Variants in XPO4 observed in about 807,000 individuals in gnomAD.
The protein encoded by XPO4 is exportin-4.
Under a neutral mutation model 143.0 loss-of-function variants are expected in XPO4, and 39 were observed. That is an observed-to-expected ratio of 0.27 (90% CI 0.21 to 0.36). The LOEUF (loss-of-function observed/expected upper bound fraction) is 0.36, where lower values mean the gene tolerates loss of function less well. Among genes scored for constraint, XPO4 ranks in the 10% least tolerant of loss-of-function variants. The pLI, the probability that XPO4 is intolerant of heterozygous loss-of-function variation, is 1.00. For synonymous variants in XPO4, 439 were observed against 474.0 expected, an observed-to-expected ratio of 0.93 and a Z score of 0.96; for missense variants, 907 against 1,348.0, an observed-to-expected ratio of 0.67 and a Z score of 5.12.
chr13:20,812,098 T>C (rs1006927044), intron 9 of XPO4, among the ~76,000 whole-genome samples: 2 of 152,076 alleles, frequency 1.3e-5, no homozygotes, highest in Non-Finnish European at 2.9e-5. Flanking sequence ...GAGCCGGGCA[T>C]GGTGGCTCAT....
intron 7 of XPO4, among the ~76,000 whole-genome samples, chr13:20,825,735 G>A (rs952586839): frequency 1.3e-5 from 2 of 152,144 alleles, no homozygotes; most frequent in African/African-American, 2.4e-5. Context: ...TGTCAGATGA[G>A]GCAGGCAACG....
chr13:20,817,237 T>C (rs972062238), intron 9 of XPO4, among the ~76,000 whole-genome samples: 16 of 152,232 alleles, frequency 1.1e-4, no homozygotes, highest in African/African-American at 2.9e-4. Flanking sequence ...AATCTGTAAT[T>C]TGGCTTCAAT....
intron 1 of XPO4, among the ~76,000 whole-genome samples, chr13:20,884,401 AATCCGATCCG>A (rs200624471): frequency 1.3e-5 from 2 of 151,824 alleles, no homozygotes; most frequent in African/African-American, 2.4e-5. Flanking sequence ...AATATAATCC[AATCCGATCCG>A]ATCCGATCCG....
chr13:20,788,911 A>G (rs988034456), intron 19 of XPO4, among the ~76,000 whole-genome samples: 3 of 152,236 alleles, frequency 2.0e-5, no homozygotes, highest in Non-Finnish European at 4.4e-5. Flanking sequence ...GAAAAAGTAA[A>G]CAAGGCAGCC....
In XPO4 at chr13:20,807,577, A is replaced by G; in HGVS notation, c.1697T>C (p.Met566Thr). 1.2e-6 allele frequency: 2 copies of G among 1,613,158 alleles called. No individual in the cohort carries two copies. Among genetic ancestry groups the G allele is most frequent in the Non-Finnish European group, 1.7e-6 (2 of 1,179,738 alleles). The part of the protein sequence containing the change: ...GETPLIPPEI[M>T]EYSIKHSSEV... ...AGATGAATGCTTAATGGAATATTCC[A>G]TTATTTCTGGAGGTATTAGCGGAGT... Residue 566 changes from methionine to threonine, a missense_variant, in exon 13 of 23, where the codon ATG (methionine) becomes ACG (threonine). Physicochemically the swap from Met to Thr is moderately conservative, Grantham distance 81. Coordinates refer to ENST00000255305, the MANE Select transcript of XPO4 (RefSeq NM_022459.5).
intron 6 of XPO4, among the ~76,000 whole-genome samples, chr13:20,839,748 C>A (rs1450933251): frequency 6.6e-6 from 1 of 152,072 alleles, no homozygotes; most frequent in East Asian, 1.9e-4. Flanking sequence ...TTTGGCAGGC[C>A]AAGGTGGGTG....
At chr13:20,886,908 T>C (rs1362389012) in intron 1 of XPO4, among the ~76,000 whole-genome samples, 1 of 151,978 alleles carries the variant, frequency 6.6e-6, no homozygotes, top group African/African-American at 2.4e-5. Flanking sequence ...ACCCTGTCTC[T>C]ACTAAGAATA....
chr13:20,874,202 T>C (rs1331104656), intron 1 of XPO4, among the ~76,000 whole-genome samples: 1 of 152,184 alleles, frequency 6.6e-6, no homozygotes. Context: ...ATACATATCA[T>C]TTATAGGACC....
Position 20,854,776 on chromosome 13 carries a change from TCTCTAAAAGGTGGACAGGAGA to T in XPO4, c.456+830_456+850del, listed in dbSNP as rs1274293844. On this transcript the variant is annotated intron_variant, in intron 4 of 22. Transcript: ENST00000255305. ...GCCACTCTCCAGGCACAACTCCAGC[TCTCTAAAAGGTGGACAGGAGA>T]GTGGAGAGGGTGGGAGAACCATGCT... 3.3e-5 allele frequency among the ~76,000 whole-genome samples: 5 copies of T among 152,226 alleles called. No homozygotes were observed. In the East Asian group the frequency reaches 9.6e-4, roughly 29 times the overall value.
At chr13:20,896,314 C>T (rs936810884) in intron 1 of XPO4, among the ~76,000 whole-genome samples, 2 of 152,162 alleles carry the variant, frequency 1.3e-5, no homozygotes, top group Non-Finnish European at 2.9e-5. Context: ...ACATTATATT[C>T]AATTTAGAGA....
chr13:20,865,052 A>G (rs2060233197), intron 2 of XPO4, among the ~76,000 whole-genome samples: 1 of 152,196 alleles, frequency 6.6e-6, no homozygotes, highest in Non-Finnish European at 1.5e-5. Flanking sequence ...AGAACTTCAC[A>G]AATACATATG....
intron 1 of XPO4, among the ~76,000 whole-genome samples, chr13:20,881,242 G>A (rs2060406219): frequency 6.6e-6 from 1 of 152,126 alleles, no homozygotes; most frequent in African/African-American, 2.4e-5. Flanking sequence ...ACAACAATAT[G>A]AATGGCAAAT....
rs1236220105 is a variant in XPO4 at position 20,799,202 on chromosome 13, T to A, written c.2285A>T (p.His762Leu). 6.2e-7 allele frequency: 1 copy of A among 1,611,988 alleles called. No individual in the cohort carries two copies. The change falls in exon 16 of 23, where the codon CAT (histidine) becomes CTT (leucine). Residue 762 changes from histidine (H) to leucine (L), a missense_variant. His to Leu is a moderately conservative substitution (Grantham distance 99, BLOSUM62 -3). Coordinates refer to ENST00000255305, the MANE Select transcript of XPO4 (RefSeq NM_022459.5). ...MKALVLGGFAHMDTETKQQYW... is the reference protein window; with the variant it reads ...MKALVLGGFALMDTETKQQYW... The stretch of plus-strand genomic sequence containing the variant: ...CTGCTGTTTGGTTTCTGTGTCCATA[T>A]GTGCAAAACCTCCTAAGACTAGAGC...
chr13:20,848,285 A>C (rs1365245131), intron 4 of XPO4: 2 of 985,202 alleles, frequency 2.0e-6, no homozygotes, highest in Non-Finnish European at 2.4e-6. Flanking sequence ...GGAGTCCAAT[A>C]CAAGAATCCT....
At chr13:20,884,513 A>G (rs917248357) in intron 1 of XPO4, among the ~76,000 whole-genome samples, 5 of 151,932 alleles carry the variant, frequency 3.3e-5, no homozygotes, top group African/African-American at 9.7e-5. Context: ...AGGCTCAAGC[A>G]GTCCTTCCAC....
rs1595084274 is a variant in XPO4 at position 20,813,394 on chromosome 13, A to T, written c.1174-3427T>A. ...AGGAAAATGGGCAAGGGACACAAAC[A>T]AGCATTTCAAAAGAGGAATCACAGA... On this transcript the variant is annotated intron_variant, in intron 9 of 22. Coordinates refer to ENST00000255305, the MANE Select transcript of XPO4 (RefSeq NM_022459.5). Among the ~76,000 whole-genome samples the T allele has an allele frequency of 3.3e-5, 5 of 152,156 alleles. No individual in the cohort carries two copies. In the East Asian group the frequency reaches 9.6e-4, roughly 29 times the overall value.
Position 20,781,728 on chromosome 13 carries a change from TGTTTCAGTGCC to T in XPO4, c.*1983_*1993del, listed in dbSNP as rs2059146318. 1 of 152,192 alleles carries T rather than the reference TGTTTCAGTGCC, an allele frequency of 6.6e-6. No homozygotes were observed. The highest frequency in any genetic ancestry group is 2.1e-4 in the South Asian group (1 of 4,830). The allele number at this position is 152,192 out of a possible 1,614,324, so 9.4% of individuals were successfully genotyped here. On this transcript the variant is annotated 3_prime_UTR_variant, in exon 23 of 23. Transcript: ENST00000255305. ...GCGTGGACCTGTCCAGTCAATTGTGTGTTTCAGTGCCCTTTGGTAAAGAGACTGTACTTAGC... is the reference window on the plus strand; with the variant it reads ...GCGTGGACCTGTCCAGTCAATTGTGTCTTTGGTAAAGAGACTGTACTTAGC...
At chr13:20,790,427 A>G (rs765516565) in intron 19 of XPO4, 35 bp downstream of exon 19, 3 of 1,486,308 alleles carry the variant, frequency 2.0e-6, no homozygotes, top group African/African-American at 2.8e-5. Flanking sequence ...TCAGTTACAC[A>G]TAGTGGTATG....
At chr13:20,827,207 TAACATTC>T in intron 6 of XPO4, 28 bp from the exon 7 acceptor site, 1 of 1,478,954 alleles carries the variant, frequency 6.8e-7, no homozygotes, top group Non-Finnish European at 9.5e-7. Context: ...TCAACAACAA[TAACATTC>T]TTACTTTGTC....
Sources: allele counts gnomAD v4.1 joint callset (sites outside exome capture counted in the v4.1 genomes callset), GRCh38; gene constraint gnomAD v4.1.1; transcripts MANE v1.5; gene names NCBI Gene and HGNC (gene_info 2026-07-23, HGNC 2026-07-21).